Variants in CD200 observed in about 807,000 individuals in gnomAD.
CD200 encodes CD200 molecule.
In CD200, 15 loss-of-function variants were observed where a neutral mutation model predicts 30.9. The ratio of observed to expected loss-of-function variants is 0.49; its 90% CI spans 0.32 to 0.75. The LOEUF is 0.75. CD200 is among the 30% of genes least tolerant of loss of function. The pLI is 0.03. For synonymous variants in CD200, 134 were observed against 126.2 expected (o/e 1.06, Z -0.41); for missense variants, 262 against 324.2 (o/e 0.81, Z 1.47).
At chr3:112,342,430 T>TC (rs144509578) in intron 2 of CD200, among the ~76,000 whole-genome samples, 10,049 of 61,746 alleles carry the variant, frequency 0.16, 2,626 homozygotes, top group Non-Finnish European at 0.2. Flanking sequence ...TCTTTCTTTC[T>TC]TCTCTCTCTT....
intron 1 of CD200, among the ~76,000 whole-genome samples, chr3:112,334,677 C>T (rs1210755884): frequency 2.6e-5 from 4 of 152,116 alleles, no homozygotes; most frequent in Middle Eastern, 3.4e-3. Flanking sequence ...CCCCGGTCAC[C>T]TCCCTGTAAA....
intron 5 of CD200, among the ~76,000 whole-genome samples, chr3:112,355,111 A>G (rs1345868643): frequency 2.6e-5 from 4 of 152,206 alleles, no homozygotes; most frequent in Non-Finnish European, 1.5e-5. Flanking sequence ...GGGTGCCATT[A>G]TTATGCCTAT....
At chr3:112,345,695 A>G (rs1016777280) in intron 3 of CD200, among the ~76,000 whole-genome samples, 4 of 152,152 alleles carry the variant, frequency 2.6e-5, no homozygotes, top group African/African-American at 9.7e-5. Flanking sequence ...GTCACTTACA[A>G]CTTCAACTTT....
At position 112,361,813 on chromosome 3, in the gene CD200, C is replaced by A; in HGVS notation, c.*263C>A. ...GCCATGTTATGTGGTTGAAAGGGCA[C>A]TGGACTTAGTTAGTATCAGGAGCAC... On this transcript the variant is annotated 3_prime_UTR_variant, in exon 6 of 6. Transcript: ENST00000315711. 1 of 547,876 alleles carries A rather than the reference C, an allele frequency of 1.8e-6. No individual in the cohort carries two copies. 33.9% of individuals were successfully genotyped at this position (547,876 alleles called of 1,614,324 possible).
intron 1 of CD200, among the ~76,000 whole-genome samples, chr3:112,335,410 G>A (rs1009738612): frequency 6.6e-6 from 1 of 152,144 alleles, no homozygotes; most frequent in African/African-American, 2.4e-5. Flanking sequence ...GTATGCTTGG[G>A]TATCGAATAA....
At chr3:112,341,548 T>C (rs776894647) in intron 2 of CD200, among the ~76,000 whole-genome samples, 1 of 152,190 alleles carries the variant, frequency 6.6e-6, no homozygotes, top group Non-Finnish European at 1.5e-5. Context: ...TCACTTGCAG[T>C]GTGATGTTGC....
chr3:112,354,888 C>T (rs2081597818), intron 5 of CD200, among the ~76,000 whole-genome samples: 1 of 152,096 alleles, frequency 6.6e-6, no homozygotes, highest in South Asian at 2.1e-4. Flanking sequence ...ATCTTCAAAA[C>T]CAACAATGTC....
At chr3:112,345,891 C>A (rs979608790) in intron 3 of CD200, among the ~76,000 whole-genome samples, 1 of 152,074 alleles carries the variant, frequency 6.6e-6, no homozygotes. Context: ...ATCCAAGAGG[C>A]TTAGTTTGAT....
rs144786858 is a variant in CD200 at position 112,347,690 on chromosome 3, C to T, written c.554C>T (p.Thr185Ile). The T allele has an allele frequency of 3.7e-6, 6 of 1,613,962 alleles. No homozygotes were observed. The African/African-American group carries it at 6.7e-5, about 18-fold the overall frequency. The change falls in exon 4 of 6, where the codon ACT (threonine) becomes ATT (isoleucine). Residue 185 changes from threonine to isoleucine, a missense_variant. Transcript: ENST00000315711. ...PRSGIENSTVTLSHPNGTTSV... is the reference protein window; with the variant it reads ...PRSGIENSTVILSHPNGTTSV... ...TCAGGGATTGAAAATAGTACAGTGA[C>T]TCTGTCTCACCCAAATGGGACCACG...
chr3:112,351,796 G>C (rs975469580), intron 5 of CD200, among the ~76,000 whole-genome samples: 5 of 152,186 alleles, frequency 3.3e-5, no homozygotes, highest in African/African-American at 1.2e-4. Flanking sequence ...TACAAGCACA[G>C]TGCCAACATC....
intron 2 of CD200, among the ~76,000 whole-genome samples, chr3:112,342,362 T>C (rs867139369): frequency 0.17 from 3,828 of 22,620 alleles, 719 homozygotes; most frequent in African/African-American, 0.22. Flanking sequence ...TCTTTCTTTC[T>C]TTCTTTCTTT....
intron 4 of CD200, among the ~76,000 whole-genome samples, chr3:112,348,605 G>A (rs1275647024): frequency 6.6e-6 from 1 of 152,190 alleles, no homozygotes; most frequent in African/African-American, 2.4e-5. Context: ...GACTCTTGAT[G>A]AAGCAGTCAG....
intron 5 of CD200, among the ~76,000 whole-genome samples, chr3:112,358,214 T>A (rs1350491997): frequency 1.3e-5 from 2 of 152,180 alleles, no homozygotes. Context: ...CCATGCAGAC[T>A]TGGGGAGGAT....
intron 5 of CD200, among the ~76,000 whole-genome samples, chr3:112,354,841 T>C (rs1179831163): frequency 6.6e-6 from 1 of 152,202 alleles, no homozygotes; most frequent in Non-Finnish European, 1.5e-5. Context: ...CTCTCTCTTT[T>C]CCTGCTTTTA....
chr3:112,339,975 TGTG>T (rs1168555197), intron 1 of CD200, among the ~76,000 whole-genome samples: 1 of 152,184 alleles, frequency 6.6e-6, no homozygotes, highest in Non-Finnish European at 1.5e-5. Flanking sequence ...TATGGGGTAT[TGTG>T]GTGGTGAGAG....
At chr3:112,354,651 A>C (rs1436574997) in intron 5 of CD200, among the ~76,000 whole-genome samples, 1 of 152,220 alleles carries the variant, frequency 6.6e-6, no homozygotes, top group Non-Finnish European at 1.5e-5. Flanking sequence ...ATGCTGTATT[A>C]ATTTTCTATT....
intron 1 of CD200, among the ~76,000 whole-genome samples, chr3:112,336,188 T>C (rs759114743): frequency 7.9e-5 from 12 of 152,120 alleles, no homozygotes; most frequent in Non-Finnish European, 1.6e-4. Context: ...GGCTGTTTCA[T>C]AAGGAAAGAA....
intron 2 of CD200, among the ~76,000 whole-genome samples, chr3:112,342,345 CTTTCT>C (rs1559783257): frequency 0.066 from 761 of 11,588 alleles, 110 homozygotes; most frequent in Non-Finnish European, 0.076. Context: ...TTCCTTCTTT[CTTTCT>C]TTCTTTCTTT....
intron 5 of CD200, among the ~76,000 whole-genome samples, chr3:112,354,271 T>C (rs2081587682): frequency 6.6e-6 from 1 of 152,244 alleles, no homozygotes. Context: ...AATGGCATAC[T>C]CATTCCCTTG....
Sources: allele counts gnomAD v4.1 joint callset (sites outside exome capture counted in the v4.1 genomes callset), GRCh38; gene constraint gnomAD v4.1.1; transcripts MANE v1.5; gene names NCBI Gene and HGNC (gene_info 2026-07-23, HGNC 2026-07-21).